GPC5: variants seen among roughly 807,000 people sequenced by gnomAD.
GPC5 encodes glypican 5.
In GPC5, 47 loss-of-function variants were observed where a neutral mutation model predicts 53.9. That is an observed-to-expected ratio of 0.87 (90% confidence interval 0.69 to 1.11). The LOEUF is 1.11. Among genes scored for constraint, GPC5 ranks in the 50% most tolerant of loss-of-function variants. The pLI, the probability that GPC5 is intolerant of heterozygous loss-of-function variation, is 0.00. For missense variants in GPC5, 748 were observed against 713.1 expected (o/e 1.05, Z -0.56); for synonymous variants, 286 against 263.3 (o/e 1.09, Z -0.84).
At chr13:91,667,921 CTG>C (rs2035156347) in intron 2 of GPC5, among the ~76,000 whole-genome samples, 1 of 152,168 alleles carries the variant, frequency 6.6e-6, no homozygotes, top group Admixed American at 6.5e-5. Context: ...GCAGCAAAGA[CTG>C]TGGAACTCAG....
chr13:92,382,804 A>T (rs541599026), intron 7 of GPC5, among the ~76,000 whole-genome samples: 23 of 152,020 alleles, frequency 1.5e-4, no homozygotes, highest in Non-Finnish European at 1.5e-5. Context: ...AGGTCAGGAG[A>T]TCAAGACCAC....
intron 6 of GPC5, chr13:91,994,754 T>A (rs538860603): frequency 2.0e-5 from 3 of 152,172 alleles, no homozygotes; most frequent in Admixed American, 6.5e-5. Context: ...AGTCCTTTGT[T>A]ACAATCTGTT....
intron 2 of GPC5, among the ~76,000 whole-genome samples, chr13:91,510,776 A>T (rs985322961): frequency 3.3e-5 from 5 of 151,998 alleles, no homozygotes; most frequent in Admixed American, 2.0e-4. Flanking sequence ...TTACTGAAAA[A>T]GTTTCTATTA....
At chr13:92,288,792 G>C (rs112973552) in intron 7 of GPC5, among the ~76,000 whole-genome samples, 141 of 152,158 alleles carry the variant, frequency 9.3e-4, no homozygotes, top group African/African-American at 3.3e-3. Context: ...AACACACTTA[G>C]ATTATTATTT....
chr13:92,681,452 C>T (rs901519804), intron 7 of GPC5, among the ~76,000 whole-genome samples: 1 of 151,922 alleles, frequency 6.6e-6, no homozygotes, highest in African/African-American at 2.4e-5. Context: ...TCCTTACATT[C>T]CTTTCTCTCC....
intron 3 of GPC5, among the ~76,000 whole-genome samples, chr13:91,700,365 G>A (rs1319932624): frequency 6.6e-6 from 1 of 152,182 alleles, no homozygotes; most frequent in Non-Finnish European, 1.5e-5. Flanking sequence ...GTTAAATATT[G>A]TGGTGTGAGT....
chr13:92,685,565 T>TTTTTTTTAA (rs1887246160), intron 7 of GPC5, among the ~76,000 whole-genome samples: 1 of 143,798 alleles, frequency 7.0e-6, no homozygotes, highest in Non-Finnish European at 1.5e-5. Flanking sequence ...TTTTAATTTT[T>TTTTTTTTAA]TTTTTTTTTA....
At chr13:91,458,690 C>T (rs554976878) in intron 2 of GPC5, among the ~76,000 whole-genome samples, 1 of 152,090 alleles carries the variant, frequency 6.6e-6, no homozygotes, top group Non-Finnish European at 1.5e-5. Context: ...ATCCAGCAAT[C>T]CCACTACTGG....
chr13:91,770,288 C>A (rs2037598382), intron 5 of GPC5, among the ~76,000 whole-genome samples: 1 of 152,106 alleles, frequency 6.6e-6, no homozygotes, highest in Non-Finnish European at 1.5e-5. Context: ...TCAGAACACC[C>A]TACTTTTGGG....
At chr13:92,156,773 A>G (rs1193339832) in intron 7 of GPC5, among the ~76,000 whole-genome samples, 1 of 152,108 alleles carries the variant, frequency 6.6e-6, no homozygotes, top group East Asian at 1.9e-4. Flanking sequence ...AATATAGCAT[A>G]ATAGATGACA....
intron 7 of GPC5, among the ~76,000 whole-genome samples, chr13:92,626,728 TA>T (rs1885058647): frequency 6.6e-6 from 1 of 152,180 alleles, no homozygotes; most frequent in African/African-American, 2.4e-5. Flanking sequence ...TATACATGTG[TA>T]ATTATAATAA....
intron 7 of GPC5, among the ~76,000 whole-genome samples, chr13:92,517,976 C>T (rs1390311640): frequency 6.6e-6 from 1 of 152,094 alleles, no homozygotes; most frequent in Non-Finnish European, 1.5e-5. Context: ...GTAGAGAAGT[C>T]CTTAAATGAC....
intron 5 of GPC5, among the ~76,000 whole-genome samples, chr13:91,814,377 G>A (rs1442676801): frequency 1.3e-5 from 2 of 152,028 alleles, no homozygotes; most frequent in East Asian, 3.9e-4. Context: ...GCTCCCATTT[G>A]CAGGTTTTGT....
intron 7 of GPC5, among the ~76,000 whole-genome samples, chr13:92,752,416 C>T (rs1214036916): frequency 6.6e-6 from 1 of 152,110 alleles, no homozygotes. Context: ...ATAGTAATTG[C>T]ACTAAGTTGA....
At chr13:92,603,883 G>T (rs1034728726) in intron 7 of GPC5, among the ~76,000 whole-genome samples, 1 of 152,120 alleles carries the variant, frequency 6.6e-6, no homozygotes, top group African/African-American at 2.4e-5. Context: ...GAGAGTACAG[G>T]AGGTATATCA....
chr13:91,827,217 A>G (rs1433406088), intron 5 of GPC5, among the ~76,000 whole-genome samples: 6 of 151,988 alleles, frequency 3.9e-5, no homozygotes, highest in Non-Finnish European at 1.5e-5. Flanking sequence ...TTATGTATCA[A>G]TAGAAATTAT....
chr13:92,779,223 T>G (rs1035099538), intron 7 of GPC5, among the ~76,000 whole-genome samples: 1 of 152,088 alleles, frequency 6.6e-6, no homozygotes, highest in Non-Finnish European at 1.5e-5. Flanking sequence ...TCAGATCTCA[T>G]GAGACTTATT....
At chr13:92,834,162 C>T (rs948634985) in intron 7 of GPC5, among the ~76,000 whole-genome samples, 5 of 152,164 alleles carry the variant, frequency 3.3e-5, no homozygotes, top group African/African-American at 1.2e-4. Context: ...GAAGATTTCA[C>T]TTCCTGGCAG....
intron 7 of GPC5, among the ~76,000 whole-genome samples, chr13:92,301,897 AAAAT>A (rs1301742621): frequency 3.9e-5 from 6 of 151,938 alleles, no homozygotes; most frequent in African/African-American, 7.2e-5. Flanking sequence ...GACTGTCTCA[AAAAT>A]AAATAAATAA....
Sources: gnomAD v4.1 joint callset for allele counts (sites outside exome capture counted in the v4.1 genomes callset) on GRCh38, gnomAD v4.1.1 for gene constraint, MANE v1.5 for transcripts, NCBI Gene and HGNC (gene_info 2026-07-23, HGNC 2026-07-21) for gene names.